MACO1: variants seen among roughly 807,000 people sequenced by gnomAD.
MACO1 encodes macoilin 1.
Under a neutral mutation model 78.7 loss-of-function variants are expected in MACO1, and 14 were observed. That is an observed-to-expected ratio of 0.18 (90% CI 0.12 to 0.28). The LOEUF (loss-of-function observed/expected upper bound fraction) is 0.28. Ranked by LOEUF, MACO1 falls within the 10% of genes least tolerant of loss-of-function variation. The probability of loss-of-function intolerance (pLI) is 1.00; values close to 1 mark genes in which losing one functional copy is unlikely to be tolerated. For missense variants in MACO1, 501 were observed against 799.0 expected (o/e 0.63, Z 4.50); for synonymous variants, 288 against 291.6 (o/e 0.99, Z 0.12).
chr1:25,475,956 C>T (rs1337889113), intron 6 of MACO1, among the ~76,000 whole-genome samples: 1 of 152,104 alleles, frequency 6.6e-6, no homozygotes, highest in Non-Finnish European at 1.5e-5. Context: ...TTTTTAATGA[C>T]AATCAAATAT....
At chr1:25,439,043 G>A (rs2042944571) in intron 1 of MACO1, among the ~76,000 whole-genome samples, 1 of 152,006 alleles carries the variant, frequency 6.6e-6, no homozygotes, top group Admixed American at 6.5e-5. Flanking sequence ...TCATCTTGGG[G>A]CAGGACTACT....
intron 6 of MACO1, among the ~76,000 whole-genome samples, chr1:25,473,130 G>A (rs144338285): frequency 0.013 from 1,914 of 151,904 alleles, 121 homozygotes; most frequent in Admixed American, 0.11. Context: ...ATACTTTGTC[G>A]GACCTGATTA....
At chr1:25,445,730 C>A (rs2043010222) in intron 1 of MACO1, among the ~76,000 whole-genome samples, 1 of 151,924 alleles carries the variant, frequency 6.6e-6, no homozygotes, top group Non-Finnish European at 1.5e-5. Context: ...TTGATCACAT[C>A]AGTATTGGAA....
Position 25,485,766 on chromosome 1 carries a change from C to T in MACO1, c.1467C>T (p.Ala489=), listed in dbSNP as rs1298152908. 6.2e-7 allele frequency: 1 copy of T among 1,613,518 alleles called. No individual in the cohort carries two copies. The highest frequency in any genetic ancestry group is 8.5e-7 in the Non-Finnish European group (1 of 1,179,888). ...AGAAGTTAGAAGAAGCCACTGCTGC[C>T]CGGGCTGTTGCGTTTGCTGCTGCAT... ...KRKKLEEATA[A]RAVAFAAASR... The change falls in exon 8 of 11, where the codon GCC becomes GCT. Residue 489 remains alanine (A), a synonymous_variant. Coordinates refer to ENST00000374343, the MANE Select transcript of MACO1 (RefSeq NM_018202.6). The surrounding 1 kb of genome is among the most constrained non-coding windows in gnomAD (Gnocchi z 4.3).
At chr1:25,463,275 AC>A (rs2043187656) in intron 6 of MACO1, among the ~76,000 whole-genome samples, 1 of 152,252 alleles carries the variant, frequency 6.6e-6, no homozygotes, top group African/African-American at 2.4e-5. Flanking sequence ...ACAAGGAAAT[AC>A]AGGAGAAAGT....
intron 3 of MACO1, among the ~76,000 whole-genome samples, chr1:25,451,195 C>CAA (rs1470282939): frequency 6.6e-6 from 1 of 152,118 alleles, no homozygotes; most frequent in African/African-American, 2.4e-5. Flanking sequence ...ATTGGGCTGA[C>CAA]AAATATGAGT....
chr1:25,476,260 A>T (rs1396464944), intron 6 of MACO1, among the ~76,000 whole-genome samples: 2 of 152,220 alleles, frequency 1.3e-5, no homozygotes, highest in African/African-American at 4.8e-5. Context: ...CCTTTAGGAA[A>T]ATTAATGTGT....
chr1:25,485,757 C>G lies in MACO1; in HGVS notation c.1458C>G (p.Ala486=). ...EEKKRKKLEE[A]TAARAVAFAA... ...AAAAGAGGAAGAAGTTAGAAGAAGC[C>G]ACTGCTGCCCGGGCTGTTGCGTTTG... Residue 486 remains alanine, a synonymous_variant, in exon 8 of 11, where the codon GCC becomes GCG. Transcript: ENST00000374343. This position sits in a 1 kb window ranked among gnomAD's most constrained non-coding sequence, Gnocchi z 4.3. 1 of 1,613,952 alleles carries G rather than the reference C, an allele frequency of 6.2e-7. No homozygotes were observed.
At chr1:25,435,263 TGAAGCTTAGGCAGTGCAGTATTG>T (rs1160542575) in intron 1 of MACO1, among the ~76,000 whole-genome samples, 8 of 152,130 alleles carry the variant, frequency 5.3e-5, no homozygotes, top group Admixed American at 2.6e-4. Context: ...TAGTGCTGTG[TGAAGCTTAGGCAGTGCAGTATTG>T]TACCTGACTG....
At chr1:25,456,553 ATTTATT>A in intron 4 of MACO1, 94 bp from the exon 5 acceptor site, 3 of 1,223,660 alleles carry the variant, frequency 2.5e-6, no homozygotes, top group Non-Finnish European at 3.5e-6. Context: ...ATCAATTAGA[ATTTATT>A]TTTAATTTTT....
At chr1:25,442,350 C>T (rs573100484) in intron 1 of MACO1, among the ~76,000 whole-genome samples, 1 of 152,250 alleles carries the variant, frequency 6.6e-6, no homozygotes, top group African/African-American at 2.4e-5. Flanking sequence ...TCACAGTTGC[C>T]ATTACTGAGA....
At chr1:25,488,267 A>G (rs1266857243) in intron 8 of MACO1, among the ~76,000 whole-genome samples, 1 of 151,958 alleles carries the variant, frequency 6.6e-6, no homozygotes, top group Non-Finnish European at 1.5e-5. Context: ...GCCCAGGCTG[A>G]TCTCAGACTC....
intron 7 of MACO1, among the ~76,000 whole-genome samples, chr1:25,484,565 A>G (rs2043411787): frequency 6.6e-6 from 1 of 152,220 alleles, no homozygotes; most frequent in Admixed American, 6.5e-5. Flanking sequence ...AAAATTGACA[A>G]GAAGTAGTTC....
At chr1:25,444,654 G>T (rs1472640975) in intron 1 of MACO1, among the ~76,000 whole-genome samples, 1 of 151,968 alleles carries the variant, frequency 6.6e-6, no homozygotes, top group Admixed American at 6.6e-5. Flanking sequence ...TGGCACAGTC[G>T]TGGCTCACTG....
intron 6 of MACO1, among the ~76,000 whole-genome samples, chr1:25,467,528 G>A (rs2043230286): frequency 6.6e-6 from 1 of 152,148 alleles, no homozygotes; most frequent in African/African-American, 2.4e-5. Flanking sequence ...TAAAGCAAAC[G>A]TCTCTTCTCT....
chr1:25,453,521 G>A (rs192474712), intron 3 of MACO1, among the ~76,000 whole-genome samples: 70 of 151,220 alleles, frequency 4.6e-4, no homozygotes, highest in Admixed American at 9.2e-4. Flanking sequence ...AAATTAGCCG[G>A]TCGTGGTGGT....
chr1:25,452,248 C>G (rs945483159), intron 3 of MACO1, among the ~76,000 whole-genome samples: 4 of 152,162 alleles, frequency 2.6e-5, no homozygotes, highest in Non-Finnish European at 5.9e-5. Context: ...TAGCAAAAAG[C>G]CTTCAGGTCA....
At chr1:25,454,950 C>CT (rs1282826344) in intron 4 of MACO1, among the ~76,000 whole-genome samples, 2 of 152,140 alleles carry the variant, frequency 1.3e-5, no homozygotes, top group African/African-American at 4.8e-5. Context: ...GCTCTGTCCT[C>CT]TGACAGCTTG....
chr1:25,480,837 A>G (rs1229301045), intron 6 of MACO1, among the ~76,000 whole-genome samples: 1 of 149,554 alleles, frequency 6.7e-6, no homozygotes, highest in South Asian at 2.1e-4. Flanking sequence ...AGGCTGAGGC[A>G]GGAGAATTGC....
Sources: gnomAD v4.1 joint callset for allele counts (sites outside exome capture counted in the v4.1 genomes callset) on GRCh38, gnomAD v4.1.1 for gene constraint, Gnocchi (gnomAD v3.1) non-coding constraint, MANE v1.5 for transcripts, NCBI Gene and HGNC (gene_info 2026-07-23, HGNC 2026-07-21) for gene names.